Variants in TOGARAM1 observed in about 807,000 individuals in gnomAD.
TOGARAM1 encodes the protein TOG array regulator of axonemal microtubules 1.
Under a neutral mutation model 166.6 loss-of-function variants are expected in TOGARAM1, and 100 were observed. That is an observed-to-expected ratio of 0.60 (90% confidence interval 0.51 to 0.71). The LOEUF (loss-of-function observed/expected upper bound fraction) is 0.71, where lower values mean the gene tolerates loss of function less well. TOGARAM1 is among the 30% of genes least tolerant of loss of function. TOGARAM1 has a pLI of 0.00. For synonymous variants in TOGARAM1, 758 were observed against 763.8 expected (o/e 0.99, Z 0.13); for missense variants, 2,029 against 2,102.7 (o/e 0.96, Z 0.69).
intron 1 of TOGARAM1, among the ~76,000 whole-genome samples, chr14:44,969,359 G>A (rs888839553): frequency 6.6e-6 from 1 of 151,698 alleles, no homozygotes; most frequent in East Asian, 1.9e-4. Context: ...CACCATGTTG[G>A]CCAGGCTGGT....
chr14:45,066,471 A>C lies in TOGARAM1; in HGVS notation c.4560-107A>C. 6 of 1,034,510 alleles carry C rather than the reference A, an allele frequency of 5.8e-6. No homozygotes were observed. In the South Asian group the frequency reaches 1.2e-4, roughly 20 times the overall value. 64.1% of individuals were successfully genotyped at this position (1,034,510 alleles called of 1,614,324 possible). Reference sequence around the variant, plus strand: ...GGTTAGCCACAGTTTTTTGCATTTTATGCATTTTGGAAAATGAATGCATAA... The same window carrying C: ...GGTTAGCCACAGTTTTTTGCATTTTCTGCATTTTGGAAAATGAATGCATAA... On this transcript the variant is annotated intron_variant, in intron 16 of 19. Transcript: ENST00000361462.
chr14:45,004,182 C>T lies in TOGARAM1; in HGVS notation c.2460C>T (p.Val820=). The T allele has an allele frequency of 6.2e-7, 1 of 1,614,086 alleles. No individual in the cohort carries two copies. ...CTTACATCCTTCCATCCTATCCTGT[C>T]TCATCACCTCGAACTAGTCCAAAGC... ...PGAYILPSYP[V]SSPRTSPKHT... Residue 820 remains valine (V), a synonymous_variant, in exon 4 of 20, where the codon GTC becomes GTT. Transcript: ENST00000361462.
rs1241743737 is a variant in TOGARAM1, at chr14:45,004,190, C to T, written c.2468C>T (p.Pro823Leu). The T allele has an allele frequency of 6.2e-7, 1 of 1,614,008 alleles. No individual in the cohort carries two copies. The highest frequency in any genetic ancestry group is 1.7e-5 in the Admixed American group (1 of 60,012). Reference protein sequence around the residue: ...YILPSYPVSSPRTSPKHTSPL... With the variant: ...YILPSYPVSSLRTSPKHTSPL... ...CTTCCATCCTATCCTGTCTCATCACCTCGAACTAGTCCAAAGCATACATCT... is the reference window on the plus strand; with the variant it reads ...CTTCCATCCTATCCTGTCTCATCACTTCGAACTAGTCCAAAGCATACATCT... Residue 823 changes from proline to leucine, a missense_variant, in exon 4 of 20, where the codon CCT becomes CTT. By Grantham distance (98) the Pro-to-Leu change is moderately conservative (BLOSUM62 -3). Around this residue, in one of 2 missense-constraint regions of TOGARAM1, gnomAD observed 1,453 missense variants for 1,432.2 expected, o/e 1.01. Transcript: ENST00000361462.
intron 2 of TOGARAM1, among the ~76,000 whole-genome samples, chr14:44,997,647 G>C (rs1280364459): frequency 6.6e-6 from 1 of 152,022 alleles, no homozygotes; most frequent in Non-Finnish European, 1.5e-5. Context: ...AAAAAGGAGA[G>C]CATAGGAAGA....
chr14:44,962,988 G>T lies in TOGARAM1; in HGVS notation c.567G>T (p.Arg189=). 6.2e-7 allele frequency: 1 copy of T among 1,614,190 alleles called. No individual in the cohort carries two copies. Among genetic ancestry groups the T allele is most frequent in the Non-Finnish European group, 8.5e-7 (1 of 1,180,042 alleles). ...ALLPQLVVSL[R]EENPALRKDA... ...TGCCTCAACTAGTTGTCTCGTTACG[G>T]GAAGAGAATCCAGCCCTGCGGAAAG... Residue 189 remains arginine (R), a synonymous_variant, in exon 1 of 20, where the codon CGG becomes CGT. Transcript: ENST00000361462.
At position 45,027,370 on chromosome 14, in the gene TOGARAM1, G is replaced by A. The variant is rs778692073; in HGVS notation, c.3400G>A (p.Asp1134Asn). ...AGTGATATCTTCTGTGGAAAATGGG[G>A]ATACATTTTCAATTAAACAAAGTAT... The part of the protein sequence containing the change: ...QSVISSVENG[D>N]TFSIKQSIEP... Residue 1134 changes from aspartate (D) to asparagine (N), a missense_variant, in exon 9 of 20, where the codon GAT (aspartate) becomes AAT (asparagine). Asp to Asn is a conservative substitution (Grantham distance 23). This residue lies in a region of TOGARAM1 where 1,453 missense variants were observed against 1,432.2 expected (regional missense o/e 1.01). Transcript: ENST00000361462. 3.1e-6 allele frequency: 5 copies of A among 1,613,316 alleles called. No individual in the cohort carries two copies. Among genetic ancestry groups the A allele is most frequent in the Non-Finnish European group, 4.2e-6 (5 of 1,179,606 alleles).
At chr14:44,971,653 A>C (rs1454462898) in intron 1 of TOGARAM1, among the ~76,000 whole-genome samples, 1 of 151,698 alleles carries the variant, frequency 6.6e-6, no homozygotes, top group African/African-American at 2.4e-5. Context: ...TCGATTTTAG[A>C]TCTTTCTTCT....
chr14:45,005,436 G>T (rs2138842755), intron 4 of TOGARAM1, among the ~76,000 whole-genome samples: 1 of 152,068 alleles, frequency 6.6e-6, no homozygotes, highest in South Asian at 2.1e-4. Flanking sequence ...CCAGTATGGT[G>T]AAACACCATC....
intron 1 of TOGARAM1, among the ~76,000 whole-genome samples, chr14:44,980,966 G>GATAC (rs1309833049): frequency 6.6e-6 from 1 of 152,024 alleles, no homozygotes; most frequent in Non-Finnish European, 1.5e-5. Context: ...GGATTAGCAG[G>GATAC]GTATCAGGAT....
chr14:45,066,032 G>C (rs1308017587), intron 16 of TOGARAM1, among the ~76,000 whole-genome samples: 3 of 152,098 alleles, frequency 2.0e-5, no homozygotes, highest in African/African-American at 7.2e-5. Context: ...AAATTGTTTG[G>C]GCAAACAATA....
chr14:45,014,236 A>G (rs1227225359), intron 7 of TOGARAM1, among the ~76,000 whole-genome samples: 3 of 151,820 alleles, frequency 2.0e-5, no homozygotes, highest in Non-Finnish European at 1.5e-5. Flanking sequence ...TAGTAGAGAC[A>G]GGATTTCACC....
chr14:45,039,634 C>T (rs888360489), intron 11 of TOGARAM1, among the ~76,000 whole-genome samples: 1 of 152,160 alleles, frequency 6.6e-6, no homozygotes, highest in Non-Finnish European at 1.5e-5. Context: ...TGACAGCATC[C>T]AGGATCAGCC....
At chr14:45,045,707 A>G (rs921011611) in intron 13 of TOGARAM1, among the ~76,000 whole-genome samples, 4 of 130,894 alleles carry the variant, frequency 3.1e-5, no homozygotes, top group African/African-American at 5.9e-5. Flanking sequence ...ATATATGTGT[A>G]TATATATACA....
chr14:44,972,397 A>T (rs983990353), intron 1 of TOGARAM1, among the ~76,000 whole-genome samples: 1 of 152,100 alleles, frequency 6.6e-6, no homozygotes, highest in Non-Finnish European at 1.5e-5. Context: ...GTTGATTATG[A>T]TGTTGTTGAG....
chr14:45,041,896 G>A (rs1422993692), intron 11 of TOGARAM1, among the ~76,000 whole-genome samples: 2 of 152,198 alleles, frequency 1.3e-5, no homozygotes, highest in Non-Finnish European at 2.9e-5. Flanking sequence ...ACAAGTAGCT[G>A]TGACTACAGG....
chr14:44,971,550 T>G (rs1255433297), intron 1 of TOGARAM1, among the ~76,000 whole-genome samples: 2 of 152,144 alleles, frequency 1.3e-5, no homozygotes, highest in South Asian at 4.1e-4. Context: ...CACTGATTTC[T>G]ATGCAAATTT....
chr14:45,032,137 GCAACA>G, intron 10 of TOGARAM1, 81 bp from the exon 11 acceptor site: 1 of 1,216,950 alleles, frequency 8.2e-7, no homozygotes, highest in African/African-American at 1.5e-5. Context: ...CCTAGCCTGG[GCAACA>G]CAGCGAGACT....
chr14:45,006,145 G>A lies in TOGARAM1; in HGVS notation c.2782G>A (p.Asp928Asn). 1 of 1,614,066 alleles carries A rather than the reference G, an allele frequency of 6.2e-7. No homozygotes were observed. Among genetic ancestry groups the A allele is most frequent in the South Asian group, 1.1e-5 (1 of 91,084 alleles). ...AATAAGCCTTTTGCCTGATAAAGCT[G>A]ATTTAAGCACAGTGGGACACAAAAA... is the stretch of plus-strand genomic sequence containing the variant. ...RGISLLPDKA[D>N]LSTVGHKKKE... The change falls in exon 5 of 20, where the codon GAT (aspartate) becomes AAT (asparagine). Residue 928 changes from aspartate to asparagine, a missense_variant. Asp to Asn is a conservative substitution (Grantham distance 23). Around this residue, in one of 2 missense-constraint regions of TOGARAM1, gnomAD observed 1,453 missense variants for 1,432.2 expected, o/e 1.01. Coordinates refer to ENST00000361462, the MANE Select transcript of TOGARAM1 (RefSeq NM_001308120.2).
At chr14:44,969,145 C>CCTTCCTTCCTTCCATCCTTTCTTT in intron 1 of TOGARAM1, among the ~76,000 whole-genome samples, 1 of 116,322 alleles carries the variant, frequency 8.6e-6, no homozygotes, top group Non-Finnish European at 1.7e-5. Context: ...TTCCTTCCTT[C>CCTTCCTTCCTTCCATCCTTTCTTT]CTTTCTTTCT....
Sources: allele counts gnomAD v4.1 joint callset (sites outside exome capture counted in the v4.1 genomes callset), GRCh38; gene constraint gnomAD v4.1.1; regional missense constraint gnomAD v4.1.1; transcripts MANE v1.5; gene names NCBI Gene and HGNC (gene_info 2026-07-23, HGNC 2026-07-21).